Variants in ADAMTS12 observed in about 807,000 individuals in gnomAD.
The protein encoded by ADAMTS12 is A disintegrin and metalloproteinase with thrombospondin motifs 12.
ADAMTS12 carries 118 observed loss-of-function variants against 167.8 expected under a neutral mutation model. That is an observed-to-expected ratio of 0.70 (90% CI 0.61 to 0.82). The LOEUF (loss-of-function observed/expected upper bound fraction) is 0.82. ADAMTS12 is among the 40% of genes least tolerant of loss of function. The pLI, the probability that ADAMTS12 is intolerant of heterozygous loss-of-function variation, is 0.00. For synonymous variants in ADAMTS12, 704 were observed against 716.9 expected (o/e 0.98, Z 0.29); for missense variants, 1,916 against 1,998.8 (o/e 0.96, Z 0.79).
intron 2 of ADAMTS12, among the ~76,000 whole-genome samples, chr5:33,768,526 C>A: frequency 6.6e-6 from 1 of 152,010 alleles, no homozygotes; most frequent in Middle Eastern, 3.2e-3. Flanking sequence ...GCATTTTGCA[C>A]GTTTTTAAAT....
At chr5:33,534,607 T>TAAA (rs1744280974) in intron 23 of ADAMTS12, among the ~76,000 whole-genome samples, 1 of 152,044 alleles carries the variant, frequency 6.6e-6, no homozygotes, top group Admixed American at 6.5e-5. Flanking sequence ...TGATACTCAA[T>TAAA]AAATAATAAT....
intron 2 of ADAMTS12, among the ~76,000 whole-genome samples, chr5:33,818,116 G>T (rs1028015240): frequency 1.3e-5 from 2 of 151,982 alleles, no homozygotes; most frequent in Non-Finnish European, 2.9e-5. Context: ...GTTGTGACAA[G>T]AGCAGGTAAA....
chr5:33,816,489 C>T (rs987322236), intron 2 of ADAMTS12, among the ~76,000 whole-genome samples: 1 of 152,104 alleles, frequency 6.6e-6, no homozygotes, highest in African/African-American at 2.4e-5. Context: ...TCCCTTCACC[C>T]GCTAGCCTCT....
chr5:33,579,543 T>C (rs1746946426), intron 18 of ADAMTS12, among the ~76,000 whole-genome samples: 1 of 145,268 alleles, frequency 6.9e-6, no homozygotes, highest in Admixed American at 6.8e-5. Context: ...TTGTACACTT[T>C]TACAAAAAAA....
intron 5 of ADAMTS12, among the ~76,000 whole-genome samples, chr5:33,669,229 A>T (rs530253762): frequency 1.4e-4 from 21 of 152,316 alleles, no homozygotes; most frequent in South Asian, 6.2e-4. Context: ...GCTATTTTCC[A>T]TAAAAAAGAA....
intron 18 of ADAMTS12, among the ~76,000 whole-genome samples, chr5:33,586,318 GA>G (rs1747349165): frequency 6.6e-6 from 1 of 152,214 alleles, no homozygotes; most frequent in African/African-American, 2.4e-5. Context: ...TAGAAGAAAG[GA>G]AGACCCATTT....
chr5:33,573,375 C>G (rs1195626588), intron 19 of ADAMTS12, among the ~76,000 whole-genome samples: 2 of 152,204 alleles, frequency 1.3e-5, no homozygotes, highest in African/African-American at 4.8e-5. Flanking sequence ...GTAATCAAAA[C>G]AGCATGGTAC....
chr5:33,628,822 T>G (rs4866351), intron 13 of ADAMTS12, among the ~76,000 whole-genome samples: 52,629 of 152,070 alleles, frequency 0.35, 10,257 homozygotes, highest in African/African-American at 0.54. Flanking sequence ...GCTTAAAAAC[T>G]CAAACCAGTG....
intron 19 of ADAMTS12, among the ~76,000 whole-genome samples, chr5:33,569,142 C>A (rs1258023914): frequency 6.6e-6 from 1 of 152,246 alleles, no homozygotes; most frequent in Non-Finnish European, 1.5e-5. Context: ...CTGCCTGCCT[C>A]TGTAGGCTCC....
chr5:33,877,698 G>A, intron 2 of ADAMTS12, among the ~76,000 whole-genome samples: 1 of 152,204 alleles, frequency 6.6e-6, no homozygotes, highest in East Asian at 1.9e-4. Flanking sequence ...TCTGGGAGCA[G>A]CCTCAAAGAG....
At chr5:33,748,171 A>G (rs1252900069) in intron 3 of ADAMTS12, among the ~76,000 whole-genome samples, 3 of 152,190 alleles carry the variant, frequency 2.0e-5, no homozygotes, top group African/African-American at 7.2e-5. Flanking sequence ...CTGGAACAAA[A>G]GTTCCCACAG....
chr5:33,782,117 AT>A (rs1324831441), intron 2 of ADAMTS12, among the ~76,000 whole-genome samples: 1 of 151,968 alleles, frequency 6.6e-6, no homozygotes, highest in African/African-American at 2.4e-5. Context: ...TTCTTCTCTT[AT>A]TTTTTTAAAA....
chr5:33,564,918 T>A (rs1047544105), intron 19 of ADAMTS12, among the ~76,000 whole-genome samples: 2 of 152,210 alleles, frequency 1.3e-5, no homozygotes, highest in Non-Finnish European at 2.9e-5. Context: ...GAGGTGATAC[T>A]GACTTGAAAA....
At chr5:33,664,512 A>G (rs1191989110) in intron 5 of ADAMTS12, among the ~76,000 whole-genome samples, 3 of 152,242 alleles carry the variant, frequency 2.0e-5, no homozygotes, top group African/African-American at 7.2e-5. Flanking sequence ...GTATTTCTCA[A>G]TGGAAGACAT....
chr5:33,530,085 A>ATT (rs1561102896), intron 23 of ADAMTS12, among the ~76,000 whole-genome samples: 3 of 103,040 alleles, frequency 2.9e-5, no homozygotes, highest in African/African-American at 5.0e-5. Context: ...ATGCCCAGCT[A>ATT]ATTTTTTTTT....
At chr5:33,890,372 C>T (rs181531685) in intron 1 of ADAMTS12, among the ~76,000 whole-genome samples, 1 of 152,310 alleles carries the variant, frequency 6.6e-6, no homozygotes, top group East Asian at 1.9e-4. Context: ...ACCGTTTACA[C>T]AAGTGAGTGC....
Position 33,623,412 on chromosome 5 carries a change from G to T in ADAMTS12, c.2143+819C>A, listed in dbSNP as rs187829279. Among the ~76,000 whole-genome samples the T allele has an allele frequency of 8.5e-5, 13 of 152,276 alleles. No individual in the cohort carries two copies. In the East Asian group the frequency reaches 2.5e-3, roughly 29 times the overall value. On this transcript the variant is annotated intron_variant, in intron 14 of 23. Coordinates refer to ENST00000504830, the MANE Select transcript of ADAMTS12 (RefSeq NM_030955.4). ...TCTCAATTCCTTCACCCCTCAGGTCGGGGAAACTCAGAGGTGCAAGATCTG... is the reference window on the plus strand; with the variant it reads ...TCTCAATTCCTTCACCCCTCAGGTCTGGGAAACTCAGAGGTGCAAGATCTG...
At chr5:33,573,425 G>C (rs1363667128) in intron 19 of ADAMTS12, among the ~76,000 whole-genome samples, 1 of 152,114 alleles carries the variant, frequency 6.6e-6, no homozygotes, top group African/African-American at 2.4e-5. Flanking sequence ...GAACAGAACA[G>C]AGCCCTCAGA....
intron 11 of ADAMTS12, among the ~76,000 whole-genome samples, chr5:33,639,755 A>G (rs1468411751): frequency 6.6e-6 from 1 of 152,164 alleles, no homozygotes; most frequent in East Asian, 1.9e-4. Flanking sequence ...CAGTCTAGTC[A>G]AGTACTGGTT....
Sources: allele counts gnomAD v4.1 joint callset (sites outside exome capture counted in the v4.1 genomes callset), GRCh38; gene constraint gnomAD v4.1.1; transcripts MANE v1.5; gene names NCBI Gene and HGNC (gene_info 2026-07-23, HGNC 2026-07-21).